The following PARL variants were observed in gnomAD, a reference collection of about 807,000 sequenced individuals.
The protein encoded by PARL is presenilin associated rhomboid like.
A neutral mutation model predicts 51.6 loss-of-function variants in PARL; 44 were observed. The observed-to-expected ratio is 0.85, with a 90% CI of 0.67 to 1.10. The LOEUF (loss-of-function observed/expected upper bound fraction) is 1.10, where lower values mean the gene tolerates loss of function less well. Ranked by LOEUF, PARL falls within the 50% of genes least tolerant of loss-of-function variation. The probability of loss-of-function intolerance (pLI) is 0.00; values close to 1 mark genes in which losing one functional copy is unlikely to be tolerated. For synonymous variants in PARL, 172 were observed against 164.0 expected (o/e 1.05, Z -0.37); for missense variants, 441 against 469.5 (o/e 0.94, Z 0.56).
chr3:183,829,383 C>T lies in PARL; in HGVS notation c.*215G>A. On this transcript the variant is annotated 3_prime_UTR_variant, in exon 10 of 10. Coordinates refer to ENST00000317096, the MANE Select transcript of PARL (RefSeq NM_018622.7). ...CGGCCCCTTAAAGAGAGAACACACACATCTGCTTACAAACTAGATAGAAAC... is the reference window on the plus strand; with the variant it reads ...CGGCCCCTTAAAGAGAGAACACACATATCTGCTTACAAACTAGATAGAAAC... 2 of 1,461,526 alleles carry T rather than the reference C, an allele frequency of 1.4e-6. No individual in the cohort carries two copies. The highest frequency in any genetic ancestry group is 1.8e-6 in the Non-Finnish European group (2 of 1,109,810). 90.5% of individuals were successfully genotyped at this position (1,461,526 alleles called of 1,614,324 possible). A position where few individuals can be genotyped will look rare whatever the true frequency, so the allele number is the denominator to read the frequency against.
intron 4 of PARL, among the ~76,000 whole-genome samples, chr3:183,849,430 C>T (rs745309480): frequency 3.3e-5 from 5 of 152,104 alleles, no homozygotes; most frequent in African/African-American, 4.8e-5. Context: ...AAATAACCAA[C>T]GGTTCAAAGA....
At chr3:183,874,229 T>C (rs1316352070) in intron 1 of PARL, among the ~76,000 whole-genome samples, 1 of 152,118 alleles carries the variant, frequency 6.6e-6, no homozygotes, top group Non-Finnish European at 1.5e-5. Context: ...TTAATAATGT[T>C]GTGTAGGTTC....
chr3:183,847,473 A>G (rs1273933524), intron 4 of PARL, among the ~76,000 whole-genome samples: 5 of 152,072 alleles, frequency 3.3e-5, no homozygotes, highest in African/African-American at 4.8e-5. Flanking sequence ...CTAAGGTGGG[A>G]GGATTGCTTG....
intron 3 of PARL, among the ~76,000 whole-genome samples, chr3:183,866,205 T>C (rs1403203070): frequency 6.6e-6 from 1 of 152,202 alleles, no homozygotes; most frequent in Non-Finnish European, 1.5e-5. Context: ...TGATTTTTGA[T>C]GCATGTGGGT....
chr3:183,848,929 C>T (rs773610486), intron 4 of PARL, among the ~76,000 whole-genome samples: 2 of 152,004 alleles, frequency 1.3e-5, no homozygotes, highest in Non-Finnish European at 2.9e-5. Flanking sequence ...ACAAAATAGA[C>T]CTTAAGACAA....
intron 4 of PARL, among the ~76,000 whole-genome samples, chr3:183,844,937 T>C (rs1004688068): frequency 6.6e-6 from 1 of 152,254 alleles, no homozygotes; most frequent in African/African-American, 2.4e-5. Flanking sequence ...ATGTTGTTAG[T>C]ACTACGAAAT....
chr3:183,861,197 A>T (rs1731788735), intron 4 of PARL: 1 of 837,050 alleles, frequency 1.2e-6, no homozygotes, highest in Non-Finnish European at 1.4e-6. Context: ...GCTATCTTTG[A>T]AGTAATCATT....
chr3:183,836,834 G>A (rs1464776650), intron 7 of PARL, among the ~76,000 whole-genome samples: 3 of 152,106 alleles, frequency 2.0e-5, no homozygotes, highest in African/African-American at 4.8e-5. Context: ...CGCCTCCCAG[G>A]TTCAAGTTAA....
chr3:183,858,661 GA>G (rs1731435377), intron 4 of PARL, among the ~76,000 whole-genome samples: 1 of 152,146 alleles, frequency 6.6e-6, no homozygotes, highest in Non-Finnish European at 1.5e-5. Context: ...GCTAGAAAGG[GA>G]GGAGAAAATA....
rs1199391888 is a variant in PARL, at chr3:183,842,359, G to A, written c.696C>T (p.Phe232=). Residue 232 remains phenylalanine (F), a synonymous_variant, in exon 6 of 10, where the codon TTC becomes TTT. Transcript: ENST00000317096. ...MAANMYVLWS[F]SSSIVNILGQ... ...CCAGAATGTTCACTATGCTGGAAGA[G>A]AAGCTCCACAAAACATACATATTTG... is the stretch of plus-strand genomic sequence containing the variant. The A allele has an allele frequency of 1.1e-5, 17 of 1,613,642 alleles. No individual in the cohort carries two copies. In the East Asian group the frequency reaches 3.8e-4, roughly 36 times the overall value.
chr3:183,826,815 G>C (rs1269911637), downstream of PARL: 1 of 982,834 alleles, frequency 1.0e-6, no homozygotes, highest in Non-Finnish European at 1.2e-6. Flanking sequence ...CAGCCTGGCA[G>C]ATGGCGCTTG....
intron 4 of PARL, among the ~76,000 whole-genome samples, chr3:183,860,184 C>T (rs1188899126): frequency 6.6e-6 from 1 of 152,168 alleles, no homozygotes; most frequent in Non-Finnish European, 1.5e-5. Context: ...ACTTTGCAGT[C>T]TACAAGAAGC....
At chr3:183,843,804 C>T (rs867202682) in intron 5 of PARL, among the ~76,000 whole-genome samples, 2 of 151,996 alleles carry the variant, frequency 1.3e-5, no homozygotes, top group Non-Finnish European at 2.9e-5. Context: ...GCACTCCAGC[C>T]GAGCCAGGCA....
chr3:183,876,225 T>C (rs1233752901), intron 1 of PARL, among the ~76,000 whole-genome samples: 1 of 152,058 alleles, frequency 6.6e-6, no homozygotes, highest in African/African-American at 2.4e-5. Context: ...TTTTGTGTTT[T>C]TAGTAGAGAT....
chr3:183,829,808 T>C, intron 9 of PARL, 99 bp from the exon 10 acceptor site: 3 of 928,598 alleles, frequency 3.2e-6, no homozygotes, highest in Non-Finnish European at 5.4e-6. Context: ...TAAAATCGAA[T>C]GCCACTCACT....
intron 7 of PARL, among the ~76,000 whole-genome samples, chr3:183,837,837 T>G (rs1728815054): frequency 6.6e-6 from 1 of 151,894 alleles, no homozygotes; most frequent in Non-Finnish European, 1.5e-5. Flanking sequence ...ATTGGCCGGG[T>G]GTAGTGGCTC....
intron 7 of PARL, among the ~76,000 whole-genome samples, chr3:183,834,967 G>A (rs948821570): frequency 1.3e-5 from 2 of 151,080 alleles, no homozygotes; most frequent in East Asian, 1.9e-4. Context: ...GCTAAGGCCC[G>A]AGAATTGCTT....
chr3:183,845,832 G>GTGCACCCT (rs1441080378), intron 4 of PARL, among the ~76,000 whole-genome samples: 2 of 152,180 alleles, frequency 1.3e-5, no homozygotes, highest in Non-Finnish European at 2.9e-5. Flanking sequence ...ACTACCCAGA[G>GTGCACCCT]TGCACCCTTA....
downstream of PARL, among the ~76,000 whole-genome samples, chr3:183,827,567 A>AACAGTCC (rs1362391000): frequency 6.6e-6 from 1 of 152,220 alleles, no homozygotes; most frequent in East Asian, 1.9e-4. Flanking sequence ...GAACAGGCTC[A>AACAGTCC]ACAGTCCAGG....
Sources: gnomAD v4.1 joint callset for allele counts (sites outside exome capture counted in the v4.1 genomes callset) on GRCh38, gnomAD v4.1.1 for gene constraint, MANE v1.5 for transcripts, NCBI Gene and HGNC (gene_info 2026-07-23, HGNC 2026-07-21) for gene names.